NUDT3: variants seen among roughly 807,000 people sequenced by gnomAD.
The protein encoded by NUDT3 is nudix hydrolase 3, also known as diphosphoinositol polyphosphate phosphohydrolase 1.
In NUDT3, 9 loss-of-function variants were observed where a neutral mutation model predicts 23.6. The ratio of observed to expected loss-of-function variants is 0.38; its 90% CI spans 0.23 to 0.66. NUDT3 has a LOEUF of 0.66. NUDT3 is among the 30% of genes least tolerant of loss of function. The pLI, the probability that NUDT3 is intolerant of heterozygous loss-of-function variation, is 0.52. For synonymous variants in NUDT3, 86 were observed against 82.6 expected, an observed-to-expected ratio of 1.04 and a Z score of -0.22; for missense variants, 172 against 218.5, an observed-to-expected ratio of 0.79 and a Z score of 1.34.
chr6:34,352,172 C>T (rs574102152), intron 1 of NUDT3, among the ~76,000 whole-genome samples: 1 of 152,172 alleles, frequency 6.6e-6, no homozygotes, highest in East Asian at 1.9e-4. Context: ...TTTATTATAT[C>T]ATTATTTTTT....
intron 2 of NUDT3, among the ~76,000 whole-genome samples, chr6:34,306,917 G>A (rs183168748): frequency 3.5e-4 from 54 of 152,210 alleles, no homozygotes; most frequent in South Asian, 8.3e-4. Context: ...TCAGTTCCTC[G>A]ACTAAGGAGC....
At chr6:34,340,350 C>G (rs1764269621) in intron 2 of NUDT3, among the ~76,000 whole-genome samples, 1 of 152,208 alleles carries the variant, frequency 6.6e-6, no homozygotes, top group South Asian at 2.1e-4. Flanking sequence ...TAGAGTGATA[C>G]ATAATTCACA....
intron 2 of NUDT3, among the ~76,000 whole-genome samples, chr6:34,324,778 C>T (rs898327606): frequency 2.0e-5 from 3 of 152,164 alleles, no homozygotes; most frequent in South Asian, 2.1e-4. Flanking sequence ...TTAAGGATGA[C>T]TCTAGAAGTA....
chr6:34,331,822 TG>T (rs1324675660), intron 2 of NUDT3, among the ~76,000 whole-genome samples: 1 of 152,224 alleles, frequency 6.6e-6, no homozygotes, highest in Non-Finnish European at 1.5e-5. Flanking sequence ...TGAATAATGT[TG>T]ATCCTTGAAC....
At chr6:34,370,124 T>C (rs1377987559) in intron 1 of NUDT3, among the ~76,000 whole-genome samples, 1 of 152,224 alleles carries the variant, frequency 6.6e-6, no homozygotes, top group Non-Finnish European at 1.5e-5. Flanking sequence ...AGATTATCCA[T>C]AGAACATTTA....
At chr6:34,344,004 G>A (rs1764327322) in intron 1 of NUDT3, among the ~76,000 whole-genome samples, 2 of 152,158 alleles carry the variant, frequency 1.3e-5, no homozygotes, top group South Asian at 4.1e-4. Context: ...ACACCCACTA[G>A]GATAGCTATA....
intron 1 of NUDT3, among the ~76,000 whole-genome samples, chr6:34,359,540 CGTCT>C (rs1228205918): frequency 6.6e-6 from 1 of 152,168 alleles, no homozygotes; most frequent in Non-Finnish European, 1.5e-5. Flanking sequence ...TGACCTTTAG[CGTCT>C]GTCTTCTTTC....
At chr6:34,387,503 A>C (rs1240345154) in intron 1 of NUDT3, among the ~76,000 whole-genome samples, 1 of 152,060 alleles carries the variant, frequency 6.6e-6, no homozygotes, top group African/African-American at 2.4e-5. Flanking sequence ...AATACTAAAT[A>C]ATATTTTTAA....
At chr6:34,317,949 T>G (rs1192008619) in intron 2 of NUDT3, among the ~76,000 whole-genome samples, 1 of 152,204 alleles carries the variant, frequency 6.6e-6, no homozygotes, top group Admixed American at 6.5e-5. Context: ...CAACTCATCT[T>G]ATCCTCACAA....
At chr6:34,296,316 G>A (rs1247112646) in intron 2 of NUDT3, among the ~76,000 whole-genome samples, 1 of 151,860 alleles carries the variant, frequency 6.6e-6, no homozygotes, top group African/African-American at 2.4e-5. Context: ...GCTCATGCCT[G>A]TAATCCCAGC....
chr6:34,359,327 C>T (rs1334926242), intron 1 of NUDT3, among the ~76,000 whole-genome samples: 1 of 152,084 alleles, frequency 6.6e-6, no homozygotes, highest in Non-Finnish European at 1.5e-5. Flanking sequence ...GAGCCGAGAT[C>T]GTGCTACTGC....
intron 2 of NUDT3, among the ~76,000 whole-genome samples, chr6:34,314,975 C>G (rs1180107552): frequency 6.6e-6 from 1 of 152,148 alleles, no homozygotes; most frequent in African/African-American, 2.4e-5. Context: ...GATTTTAAAG[C>G]ATATACACGT....
intron 1 of NUDT3, among the ~76,000 whole-genome samples, chr6:34,361,325 C>T (rs1166886233): frequency 6.6e-6 from 1 of 152,164 alleles, no homozygotes; most frequent in Non-Finnish European, 1.5e-5. Context: ...AACAAGAAGA[C>T]ACTACTTAAC....
chr6:34,313,241 A>G (rs898636666), intron 2 of NUDT3, among the ~76,000 whole-genome samples: 7 of 152,200 alleles, frequency 4.6e-5, no homozygotes, highest in African/African-American at 1.7e-4. Flanking sequence ...ACTAAGTGGA[A>G]GAAGTCAATC....
At chr6:34,309,663 AAAAT>A (rs1763740193) in intron 2 of NUDT3, among the ~76,000 whole-genome samples, 1 of 152,096 alleles carries the variant, frequency 6.6e-6, no homozygotes, top group Non-Finnish European at 1.5e-5. Flanking sequence ...ATATGTAATA[AAAAT>A]AAAATCATAT....
chr6:34,326,343 G>C (rs1764029999), intron 2 of NUDT3, among the ~76,000 whole-genome samples: 1 of 151,932 alleles, frequency 6.6e-6, no homozygotes, highest in Non-Finnish European at 1.5e-5. Flanking sequence ...TGCTTTCGGA[G>C]ACAAAAAAAC....
At chr6:34,387,601 G>A (rs1224932917) in intron 1 of NUDT3, among the ~76,000 whole-genome samples, 1 of 150,810 alleles carries the variant, frequency 6.6e-6, no homozygotes, top group Non-Finnish European at 1.5e-5. Context: ...TTGGGAGGCT[G>A]AGGTGGAAGG....
intron 2 of NUDT3, among the ~76,000 whole-genome samples, chr6:34,326,451 T>C (rs985817527): frequency 2.6e-5 from 4 of 152,204 alleles, no homozygotes; most frequent in Admixed American, 1.3e-4. Flanking sequence ...ACACATACTT[T>C]GGTTGTTTTT....
At chr6:34,340,903 G>A (rs1321676054) in intron 2 of NUDT3, among the ~76,000 whole-genome samples, 1 of 152,146 alleles carries the variant, frequency 6.6e-6, no homozygotes, top group Non-Finnish European at 1.5e-5. Flanking sequence ...TTCAGAGTGA[G>A]GAAAGAATTC....
Sources: gnomAD v4.1 joint callset for allele counts (sites outside exome capture counted in the v4.1 genomes callset) on GRCh38, gnomAD v4.1.1 for gene constraint, MANE v1.5 for transcripts, NCBI Gene and HGNC (gene_info 2026-07-23, HGNC 2026-07-21) for gene names.